ODAD2: variants seen among roughly 807,000 people sequenced by gnomAD.
ODAD2 encodes the protein outer dynein arm-docking complex subunit 2.
Under a neutral mutation model 106.8 loss-of-function variants are expected in ODAD2, and 89 were observed. The observed-to-expected ratio is 0.83, with a 90% CI of 0.70 to 0.99. The LOEUF is 0.99. ODAD2 is among the 50% of genes least tolerant of loss of function. The pLI is 0.00. For synonymous variants in ODAD2, 404 were observed against 436.2 expected (o/e 0.93, Z 0.92); for missense variants, 1,168 against 1,238.5 (o/e 0.94, Z 0.85).
chr10:27,832,813 G>A (rs571384246), intron 19 of ODAD2, among the ~76,000 whole-genome samples: 3 of 152,216 alleles, frequency 2.0e-5, no homozygotes, highest in Admixed American at 1.3e-4. Flanking sequence ...TAAAGCTCTC[G>A]TGGGTTAGAA....
intron 17 of ODAD2, among the ~76,000 whole-genome samples, chr10:27,875,151 T>C (rs1308259745): frequency 6.6e-6 from 1 of 152,256 alleles, no homozygotes; most frequent in East Asian, 1.9e-4. Context: ...TTGAATCGGC[T>C]ACTAAAGCTT....
chr10:27,885,687 T>TATTACATATAA (rs1842102875), intron 17 of ODAD2, among the ~76,000 whole-genome samples: 1 of 61,210 alleles, frequency 1.6e-5, no homozygotes, highest in African/African-American at 6.4e-5. Context: ...ATATAATATA[T>TATTACATATAA]AATATATAAT....
At chr10:27,842,164 AC>A (rs1420841364) in intron 19 of ODAD2, among the ~76,000 whole-genome samples, 8 of 151,948 alleles carry the variant, frequency 5.3e-5, no homozygotes, top group Admixed American at 5.2e-4. Context: ...TGTTTCCTTT[AC>A]AGCATTCAGC....
chr10:27,876,868 G>A (rs192459144), intron 17 of ODAD2, among the ~76,000 whole-genome samples: 151 of 152,288 alleles, frequency 9.9e-4, no homozygotes, highest in Non-Finnish European at 1.9e-3. Context: ...CCTAAAATCT[G>A]ATGTGGTCAT....
intron 19 of ODAD2, among the ~76,000 whole-genome samples, chr10:27,849,078 T>A (rs1177171578): frequency 6.6e-6 from 1 of 152,230 alleles, no homozygotes; most frequent in African/African-American, 2.4e-5. Flanking sequence ...TTATAAAGCA[T>A]GCTGCTATAA....
chr10:27,903,027 G>A (rs1843321876), intron 17 of ODAD2, among the ~76,000 whole-genome samples: 1 of 152,144 alleles, frequency 6.6e-6, no homozygotes, highest in South Asian at 2.1e-4. Context: ...TGTCCCTGAT[G>A]AACATCGATG....
In ODAD2 at chr10:27,940,752, C is replaced by T. The variant is rs926907910; in HGVS notation, c.1797G>A (p.Leu599=). The change falls in exon 13 of 20, where the codon CTG becomes CTA. Residue 599 remains leucine, a synonymous_variant. Coordinates refer to ENST00000305242, the MANE Select transcript of ODAD2 (RefSeq NM_018076.5). ...CCACTTCCACGTCTCTGGCCTCATA[C>T]AGACTCGATTGGGCAGGTTTTGTGG... The part of the protein sequence containing the change: ...HDSTKPAQSS[L]YEARDVEVAR... 1.2e-6 allele frequency: 2 copies of T among 1,614,006 alleles called. No homozygotes were observed. Among genetic ancestry groups the T allele is most frequent in the African/African-American group, 2.7e-5 (2 of 74,912 alleles).
intron 10 of ODAD2, among the ~76,000 whole-genome samples, chr10:27,946,744 A>G (rs1931889): frequency 0.69 from 105,620 of 152,012 alleles, 36,873 homozygotes; most frequent in Middle Eastern, 0.72. Flanking sequence ...CTTCCCACAC[A>G]CCTCCTCCTT....
intron 17 of ODAD2, among the ~76,000 whole-genome samples, chr10:27,864,308 G>A (rs1453081644): frequency 1.3e-5 from 2 of 149,726 alleles, no homozygotes; most frequent in East Asian, 3.9e-4. Flanking sequence ...GGTTTTCTTG[G>A]GGTGGCATAT....
chr10:27,853,380 A>AAATAAATAAATG (rs1210523266), intron 19 of ODAD2: 6 of 278,536 alleles, frequency 2.2e-5, no homozygotes, highest in Non-Finnish European at 4.3e-5. Context: ...ATAAATAAAT[A>AAATAAATAAATG]AATAAATAAA....
intron 16 of ODAD2, among the ~76,000 whole-genome samples, chr10:27,914,396 C>T (rs1844221259): frequency 6.6e-6 from 1 of 151,890 alleles, no homozygotes; most frequent in Admixed American, 6.6e-5. Context: ...ACAATCATTC[C>T]CTATTTTAAG....
intron 17 of ODAD2, among the ~76,000 whole-genome samples, chr10:27,892,033 C>G (rs1010383646): frequency 2.6e-5 from 4 of 152,054 alleles, no homozygotes; most frequent in African/African-American, 4.8e-5. Context: ...GTTCAACTAC[C>G]CTTTTTCTCC....
intron 19 of ODAD2, among the ~76,000 whole-genome samples, chr10:27,834,390 T>A (rs1198523118): frequency 6.6e-6 from 1 of 152,122 alleles, no homozygotes; most frequent in Non-Finnish European, 1.5e-5. Flanking sequence ...CAGGCATCCC[T>A]TACATAGGGC....
At chr10:27,842,320 G>A (rs759981023) in intron 19 of ODAD2, among the ~76,000 whole-genome samples, 6 of 152,114 alleles carry the variant, frequency 3.9e-5, no homozygotes, top group Non-Finnish European at 5.9e-5. Flanking sequence ...CCCATGTGGA[G>A]AATCTCTACA....
At position 27,820,777 on chromosome 10, in the gene ODAD2, C is replaced by CTTTTTTTTTTTTTTTTTTTTT. The variant is rs72095120; in HGVS notation, c.3022-8173_3022-8153dup. On this transcript the variant is annotated intron_variant, in intron 19 of 19. Transcript: ENST00000305242. ...CAATTAAACCAATGAAGCCCAGCAA[C>CTTTTTTTTTTTTTTTTTTTTT]TTTTTTTTTTTTTTTTTTTTTTTTG... 9.5e-5 allele frequency among the ~76,000 whole-genome samples: 10 copies of CTTTTTTTTTTTTTTTTTTTTT among 105,548 alleles called. 1 individual carries two copies. Among genetic ancestry groups the CTTTTTTTTTTTTTTTTTTTTT allele is most frequent in the African/African-American group, 3.9e-4 (10 of 25,722 alleles). The allele number at this position is 105,548 out of a possible 152,430, so 69.2% of individuals were successfully genotyped here. A position where few individuals can be genotyped will look rare whatever the true frequency, so the allele number is the denominator to read the frequency against.
intron 10 of ODAD2, among the ~76,000 whole-genome samples, chr10:27,959,589 G>A (rs1465972224): frequency 2.0e-5 from 3 of 152,216 alleles, no homozygotes; most frequent in South Asian, 2.1e-4. Flanking sequence ...AAGTGCAGGA[G>A]CATGTGGCCT....
At chr10:27,952,117 C>T (rs1407265637) in intron 10 of ODAD2, among the ~76,000 whole-genome samples, 3 of 118,716 alleles carry the variant, frequency 2.5e-5, no homozygotes, top group Non-Finnish European at 5.7e-5. Context: ...AAATAAATAC[C>T]TGCAATTAGT....
intron 2 of ODAD2, among the ~76,000 whole-genome samples, chr10:27,987,987 T>C (rs1849984055): frequency 6.6e-6 from 1 of 151,008 alleles, no homozygotes; most frequent in African/African-American, 2.4e-5. Flanking sequence ...TTGGCTACAC[T>C]GTGTTTATGA....
chr10:27,960,327 T>C (rs941471871), intron 10 of ODAD2, among the ~76,000 whole-genome samples: 5 of 118,098 alleles, frequency 4.2e-5, no homozygotes, highest in African/African-American at 1.6e-4. Context: ...ATTATTATTA[T>C]TATTATTATT....
Sources: gnomAD v4.1 joint callset for allele counts (sites outside exome capture counted in the v4.1 genomes callset) on GRCh38, gnomAD v4.1.1 for gene constraint, MANE v1.5 for transcripts, NCBI Gene and HGNC (gene_info 2026-07-23, HGNC 2026-07-21) for gene names.